Variants in NPAS3 observed in about 807,000 individuals in gnomAD.
NPAS3 encodes neuronal PAS domain-containing protein 3.
Under a neutral mutation model 73.1 loss-of-function variants are expected in NPAS3, and 14 were observed. The ratio of observed to expected loss-of-function variants is 0.19; its 90% CI spans 0.13 to 0.30. The LOEUF (loss-of-function observed/expected upper bound fraction) is 0.30. NPAS3 is among the 10% of genes least tolerant of loss of function. The pLI is 1.00. For missense variants in NPAS3, 1,096 were observed against 1,250.0 expected, an observed-to-expected ratio of 0.88 and a Z score of 1.86; for synonymous variants, 620 against 541.5, an observed-to-expected ratio of 1.14 and a Z score of -2.01.
At chr14:33,399,618 A>T (rs2047365723) in intron 4 of NPAS3, among the ~76,000 whole-genome samples, 1 of 151,870 alleles carries the variant, frequency 6.6e-6, no homozygotes, top group Non-Finnish European at 1.5e-5. Context: ...TCCTTTCTAC[A>T]ATATTGTCCT....
intron 6 of NPAS3, among the ~76,000 whole-genome samples, chr14:33,703,079 T>C (rs1190187211): frequency 6.6e-6 from 1 of 152,118 alleles, no homozygotes; most frequent in African/African-American, 2.4e-5. Flanking sequence ...ATCGCATTAG[T>C]TGGAGGTGGG....
chr14:33,569,305 A>G (rs2056104242), intron 5 of NPAS3, among the ~76,000 whole-genome samples: 1 of 152,214 alleles, frequency 6.6e-6, no homozygotes, highest in African/African-American at 2.4e-5. Context: ...GAATGTATGC[A>G]GAAAGAAATT....
intron 2 of NPAS3, among the ~76,000 whole-genome samples, chr14:33,089,779 A>T: frequency 6.6e-6 from 1 of 152,236 alleles, no homozygotes; most frequent in East Asian, 1.9e-4. Context: ...AGGGAAGCCC[A>T]TCAGACTAAC....
In NPAS3 at chr14:33,800,860, T is replaced by A; in HGVS notation, c.2553T>A (p.Val851=). 1 of 1,606,442 alleles carries A rather than the reference T, an allele frequency of 6.2e-7. No homozygotes were observed. The highest frequency in any genetic ancestry group is 8.5e-7 in the Non-Finnish European group (1 of 1,176,954). ...ACCTGCTGCCCAACGCGCACGCTGT[T>A]AACTTCGTGGACGTTAACAGCCCCG... Residue 851 remains valine, a synonymous_variant, in exon 12 of 12, where the codon GTT becomes GTA. Transcript: ENST00000356141. The surrounding 1 kb of genome is among the most constrained non-coding windows in gnomAD (Gnocchi z 6.5).
At chr14:33,298,016 G>A (rs1023896037) in intron 3 of NPAS3, among the ~76,000 whole-genome samples, 10 of 152,052 alleles carry the variant, frequency 6.6e-5, no homozygotes, top group African/African-American at 1.4e-4. Flanking sequence ...GTGCGGTGGC[G>A]CACAGCTGTA....
chr14:33,459,787 G>A (rs2050177316), intron 4 of NPAS3, among the ~76,000 whole-genome samples: 1 of 152,084 alleles, frequency 6.6e-6, no homozygotes, highest in Admixed American at 6.5e-5. Context: ...CTGCTCCCTG[G>A]CTGAGTCAGA....
chr14:33,367,788 A>G (rs2045909952), intron 4 of NPAS3, among the ~76,000 whole-genome samples: 1 of 152,148 alleles, frequency 6.6e-6, no homozygotes, highest in African/African-American at 2.4e-5. Context: ...TAAAAATACT[A>G]GTAAAAGGAG....
At chr14:33,779,871 C>T (rs564958136) in intron 9 of NPAS3, among the ~76,000 whole-genome samples, 1 of 152,318 alleles carries the variant, frequency 6.6e-6, no homozygotes, top group South Asian at 2.1e-4. Flanking sequence ...ATGGTACAGC[C>T]TAAAGTTGAA....
chr14:33,700,647 G>T (rs1018195176), intron 6 of NPAS3, among the ~76,000 whole-genome samples: 1 of 152,154 alleles, frequency 6.6e-6, no homozygotes, highest in Non-Finnish European at 1.5e-5. Context: ...GCTCACAAAT[G>T]GAGGTAAAGG....
At position 33,012,697 on chromosome 14, in the gene NPAS3, C is replaced by T. The variant is rs539819241; in HGVS notation, c.51-43208C>T. Among the ~76,000 whole-genome samples, 18 of 152,048 alleles carry T rather than the reference C, an allele frequency of 1.2e-4. No homozygotes were observed. In the South Asian group the frequency reaches 1.2e-3, roughly 11 times the overall value. ...CCAAGTAGCTGGGATTACAGGCGCC[C>T]GCCACCACACATGGCTAATTTTTTG... On this transcript the variant is annotated intron_variant, in intron 1 of 11. Transcript: ENST00000356141.
chr14:33,675,607 G>A (rs1212638011), intron 5 of NPAS3, among the ~76,000 whole-genome samples: 1 of 152,168 alleles, frequency 6.6e-6, no homozygotes, highest in Non-Finnish European at 1.5e-5. Context: ...GACCTCTTTT[G>A]TATGGAAAAT....
chr14:33,742,139 A>C (rs901083509), intron 7 of NPAS3, among the ~76,000 whole-genome samples: 1 of 152,156 alleles, frequency 6.6e-6, no homozygotes, highest in Non-Finnish European at 1.5e-5. Context: ...AAGCAGACCT[A>C]AGAACTAAAA....
intron 4 of NPAS3, among the ~76,000 whole-genome samples, chr14:33,429,874 G>A (rs765937601): frequency 6.6e-6 from 1 of 152,124 alleles, no homozygotes; most frequent in Non-Finnish European, 1.5e-5. Flanking sequence ...GTAGAAAATT[G>A]CAAAGCTAAA....
At chr14:33,323,282 A>G (rs1401023379) in intron 3 of NPAS3, among the ~76,000 whole-genome samples, 1 of 152,212 alleles carries the variant, frequency 6.6e-6, no homozygotes, top group South Asian at 2.1e-4. Context: ...CAGAGTGTTC[A>G]GTAATGTTGT....
intron 4 of NPAS3, among the ~76,000 whole-genome samples, chr14:33,503,836 C>T (rs747151363): frequency 5.9e-5 from 9 of 151,840 alleles, no homozygotes; most frequent in Non-Finnish European, 8.8e-5. Context: ...TCATTTTTCC[C>T]TTTAGGGGGA....
intron 4 of NPAS3, among the ~76,000 whole-genome samples, chr14:33,478,934 G>C (rs1348168289): frequency 6.6e-6 from 1 of 152,032 alleles, no homozygotes; most frequent in Admixed American, 6.6e-5. Flanking sequence ...TTCTACCATG[G>C]AGTTCCTTAG....
intron 4 of NPAS3, among the ~76,000 whole-genome samples, chr14:33,393,664 A>C (rs2047101543): frequency 6.6e-6 from 1 of 152,164 alleles, no homozygotes; most frequent in Non-Finnish European, 1.5e-5. Context: ...TATAAATGGC[A>C]AAAGAAGGGC....
chr14:33,045,889 G>C (rs906356053), intron 1 of NPAS3, among the ~76,000 whole-genome samples: 4 of 152,184 alleles, frequency 2.6e-5, no homozygotes, highest in African/African-American at 9.7e-5. Context: ...AGCCTATTCT[G>C]AGGTGGTTTT....
chr14:33,308,560 A>C (rs1343831675), intron 3 of NPAS3, among the ~76,000 whole-genome samples: 1 of 59,218 alleles, frequency 1.7e-5, no homozygotes, highest in Non-Finnish European at 3.3e-5. Flanking sequence ...ACACACATAC[A>C]TACATTATAT....
Sources: gnomAD v4.1 joint callset for allele counts (sites outside exome capture counted in the v4.1 genomes callset) on GRCh38, gnomAD v4.1.1 for gene constraint, Gnocchi (gnomAD v3.1) non-coding constraint, MANE v1.5 for transcripts, NCBI Gene and HGNC (gene_info 2026-07-23, HGNC 2026-07-21) for gene names.